Variants in C9orf153 observed in about 807,000 individuals in gnomAD.
C9orf153 encodes chromosome 9 open reading frame 153.
C9orf153 carries 10 observed loss-of-function variants against 9.0 expected under a neutral mutation model. The ratio of observed to expected loss-of-function variants is 1.11; its 90% CI spans 0.69 to 1.89. The LOEUF (loss-of-function observed/expected upper bound fraction) is 1.89, where lower values mean the gene tolerates loss of function less well. Ranked by LOEUF, C9orf153 falls within the 40% of genes most tolerant of loss-of-function variation. C9orf153 has a pLI of 0.00. For missense variants in C9orf153, 108 were observed against 111.0 expected, an observed-to-expected ratio of 0.97 and a Z score of 0.12; for synonymous variants, 35 against 37.3, an observed-to-expected ratio of 0.94 and a Z score of 0.23.
At chr9:86,249,764 C>T (rs1361772260) in intron 1 of C9orf153, among the ~76,000 whole-genome samples, 1 of 152,184 alleles carries the variant, frequency 6.6e-6, no homozygotes, top group Non-Finnish European at 1.5e-5. Context: ...CCAGGCTGGT[C>T]TTGAACTCCT....
At chr9:86,236,049 C>T (rs1362940976) in intron 1 of C9orf153, among the ~76,000 whole-genome samples, 6 of 151,638 alleles carry the variant, frequency 4.0e-5, no homozygotes, top group Non-Finnish European at 8.8e-5. Context: ...TGCAGAAAAC[C>T]AAAGATAAAG....
intron 1 of C9orf153, among the ~76,000 whole-genome samples, chr9:86,232,647 G>C (rs1043971499): frequency 4.6e-5 from 7 of 151,850 alleles, no homozygotes; most frequent in Non-Finnish European, 8.8e-5. Context: ...AAATCAGAAG[G>C]AAAAAAGTTC....
At chr9:86,225,387 GTTTC>G (rs1463611041) in intron 3 of C9orf153, among the ~76,000 whole-genome samples, 2 of 99,408 alleles carry the variant, frequency 2.0e-5, no homozygotes, top group Admixed American at 1.2e-4. Flanking sequence ...TCTTTCTTTC[GTTTC>G]TTTCTTTCTC....
At chr9:86,259,037 T>TG (rs905993254) in intron 1 of C9orf153, among the ~76,000 whole-genome samples, 46 of 151,908 alleles carry the variant, frequency 3.0e-4, no homozygotes, top group African/African-American at 1.1e-3. Flanking sequence ...CAGTGTTTTT[T>TG]TTTTTTCTTT....
intron 3 of C9orf153, 116 bp from the exon 4 acceptor site, chr9:86,221,849 G>C: frequency 3.6e-6 from 2 of 558,142 alleles, no homozygotes; most frequent in Non-Finnish European, 6.2e-6. Flanking sequence ...CCTCTTTCTG[G>C]CAGAAAGCCA....
chr9:86,252,839 C>T (rs1347215317), intron 1 of C9orf153, among the ~76,000 whole-genome samples: 1 of 152,164 alleles, frequency 6.6e-6, no homozygotes, highest in Non-Finnish European at 1.5e-5. Context: ...AAATACAAAT[C>T]TTACAGATTC....
chr9:86,239,724 TA>T (rs1265695032), intron 1 of C9orf153, among the ~76,000 whole-genome samples: 1 of 152,252 alleles, frequency 6.6e-6, no homozygotes, highest in African/African-American at 2.4e-5. Flanking sequence ...GTGAATTTAC[TA>T]AAAATCACTG....
chr9:86,259,372 C>A (rs1825197009), intron 1 of C9orf153, among the ~76,000 whole-genome samples, 178 bp downstream of exon 1: 1 of 152,076 alleles, frequency 6.6e-6, no homozygotes, highest in East Asian at 1.9e-4. Context: ...ATGAAACAGG[C>A]TCCTCATCCT....
intron 3 of C9orf153, among the ~76,000 whole-genome samples, chr9:86,223,472 A>T (rs1299636287): frequency 6.6e-6 from 1 of 152,124 alleles, no homozygotes; most frequent in Non-Finnish European, 1.5e-5. Context: ...TGTCAAAAAT[A>T]AATAATAAAA....
intron 1 of C9orf153, 74 bp from the exon 2 acceptor site, chr9:86,229,703 A>G: frequency 2.4e-6 from 2 of 832,822 alleles, no homozygotes; most frequent in South Asian, 1.6e-5. Context: ...GGGAGGTGAG[A>G]CTTCTTAAAT....
chr9:86,254,240 C>T (rs1271927461), intron 1 of C9orf153, among the ~76,000 whole-genome samples: 3 of 152,040 alleles, frequency 2.0e-5, no homozygotes, highest in Admixed American at 2.0e-4. Flanking sequence ...TTACCTTGTC[C>T]ATTGTTTTTG....
In C9orf153 at chr9:86,229,818, A is replaced by G. The variant is rs184026770; in HGVS notation, c.-26-189T>C. Among the ~76,000 whole-genome samples the G allele has an allele frequency of 1.9e-3, 294 of 152,318 alleles. 1 individual carries two copies. The highest frequency in any genetic ancestry group is 3.8e-3 in the Admixed American group (58 of 15,300). On this transcript the variant is annotated intron_variant, in intron 1 of 3. Coordinates refer to ENST00000339137, the MANE Select transcript of C9orf153 (RefSeq NM_001276366.4). ...CTGAAACTGGGTAATTTATAAGAAA[A>G]TAGGTTTAATTGGCTCATGGTTCTG...
chr9:86,247,544 T>G (rs1203459768), intron 1 of C9orf153, among the ~76,000 whole-genome samples: 1 of 152,014 alleles, frequency 6.6e-6, no homozygotes, highest in Admixed American at 6.6e-5. Context: ...TAGCCAGGCA[T>G]AGTGGTGCAC....
intron 1 of C9orf153, among the ~76,000 whole-genome samples, chr9:86,249,067 G>GT (rs759499433): frequency 1.3e-5 from 2 of 152,196 alleles, no homozygotes; most frequent in Non-Finnish European, 2.9e-5. Flanking sequence ...CCAGGTTTCA[G>GT]TAAGTATAAA....
At chr9:86,248,725 G>GA (rs978264127) in intron 1 of C9orf153, among the ~76,000 whole-genome samples, 27 of 151,050 alleles carry the variant, frequency 1.8e-4, no homozygotes, top group Non-Finnish European at 2.5e-4. Flanking sequence ...TTTCTCTGTA[G>GA]AAAAAAAAAC....
chr9:86,224,771 CAAA>C lies in C9orf153; in HGVS notation c.243-3041_243-3039del, dbSNP rs35435424. Among the ~76,000 whole-genome samples, 563 of 113,404 alleles carry C rather than the reference CAAA, an allele frequency of 5.0e-3. 2 individuals are homozygous for C. The highest frequency in any genetic ancestry group is 0.016 in the African/African-American group (532 of 32,914). The allele number at this position is 113,404 out of a possible 152,430, so 74.4% of individuals were successfully genotyped here. A position where few individuals can be genotyped will look rare whatever the true frequency, so the allele number is the denominator to read the frequency against. ...TAAAACCCCGTCTCTACTAAAAATA[CAAA>C]AAAAAAAAAAAAAAATTAGCTGGGC... On this transcript the variant is annotated intron_variant, in intron 3 of 3. Transcript: ENST00000339137.
At chr9:86,257,690 A>C (rs1239728593) in intron 1 of C9orf153, among the ~76,000 whole-genome samples, 1 of 152,218 alleles carries the variant, frequency 6.6e-6, no homozygotes, top group African/African-American at 2.4e-5. Flanking sequence ...GGGTGAATTG[A>C]CAACACGATT....
At chr9:86,234,265 T>C (rs1052955945) in intron 1 of C9orf153, among the ~76,000 whole-genome samples, 2 of 152,200 alleles carry the variant, frequency 1.3e-5, no homozygotes, top group Non-Finnish European at 1.5e-5. Flanking sequence ...TCCTTCCTTC[T>C]CTTTTATGAC....
At chr9:86,230,066 G>A (rs1263951030) in intron 1 of C9orf153, among the ~76,000 whole-genome samples, 1 of 152,094 alleles carries the variant, frequency 6.6e-6, no homozygotes, top group Non-Finnish European at 1.5e-5. Flanking sequence ...CTCCCACCAG[G>A]CCCCACCTCC....
Sources: allele counts gnomAD v4.1 joint callset (sites outside exome capture counted in the v4.1 genomes callset), GRCh38; gene constraint gnomAD v4.1.1; transcripts MANE v1.5; gene names NCBI Gene and HGNC (gene_info 2026-07-23, HGNC 2026-07-21).